SUGT1: variants seen among roughly 807,000 people sequenced by gnomAD.
SUGT1 encodes protein SGT1 homolog.
A neutral mutation model predicts 56.1 loss-of-function variants in SUGT1; 15 were observed. That is an observed-to-expected ratio of 0.27 (90% CI 0.18 to 0.41). The LOEUF (loss-of-function observed/expected upper bound fraction) is 0.41, where lower values mean the gene tolerates loss of function less well. Ranked by LOEUF, SUGT1 falls within the 10% of genes least tolerant of loss-of-function variation. SUGT1 has a pLI of 1.00. For synonymous variants in SUGT1, 123 were observed against 128.6 expected, an observed-to-expected ratio of 0.96 and a Z score of 0.30; for missense variants, 347 against 382.2, an observed-to-expected ratio of 0.91 and a Z score of 0.77.
rs146687522 is a variant in SUGT1, at chr13:52,672,194, A to G, written c.628-4036A>G. Among the ~76,000 whole-genome samples the G allele has an allele frequency of 8.4e-4, 128 of 152,258 alleles. 1 individual carries two copies. In the East Asian group the frequency reaches 0.017, roughly 21 times the overall value. Reference sequence around the variant, plus strand: ...TAGGAAGTAATCACTCAGACTCACCACTCAGATGACATTCTAGCATGTTTC... The same window carrying G: ...TAGGAAGTAATCACTCAGACTCACCGCTCAGATGACATTCTAGCATGTTTC... On this transcript the variant is annotated intron_variant, in intron 10 of 12. Transcript: ENST00000310528.
At chr13:52,658,260 G>A in intron 3 of SUGT1, 139 bp from the exon 4 acceptor site, 3 of 1,522,126 alleles carry the variant, frequency 2.0e-6, no homozygotes, top group Non-Finnish European at 2.6e-6. Context: ...ATTCTATCTT[G>A]TATTAGCTTT....
intron 11 of SUGT1, among the ~76,000 whole-genome samples, chr13:52,677,570 C>G (rs1963199172): frequency 6.6e-6 from 1 of 152,190 alleles, no homozygotes; most frequent in South Asian, 2.1e-4. Context: ...TTAATTCTAA[C>G]AGCCCTGCAT....
rs1187327673 is a variant in SUGT1 at position 52,689,064 on chromosome 13, G to A, written c.*1229G>A. 1.3e-5 allele frequency: 2 copies of A among 152,196 alleles called. No homozygotes were observed. The highest frequency in any genetic ancestry group is 2.9e-5 in the Non-Finnish European group (2 of 68,102). The allele number at this position is 152,196 out of a possible 1,614,324, so 9.4% of individuals were successfully genotyped here. A position where few individuals can be genotyped will look rare whatever the true frequency, so the allele number is the denominator to read the frequency against. On this transcript the variant is annotated 3_prime_UTR_variant, in exon 13 of 13. Coordinates refer to ENST00000310528, the MANE Select transcript of SUGT1 (RefSeq NM_006704.5). ...CAAAGCACTACTCTATACCCTCAGA[G>A]CAGGGGGAGTGGGAGGCAAACGGGT...
intron 6 of SUGT1, 123 bp from the exon 7 acceptor site, chr13:52,662,973 T>C: frequency 4.5e-6 from 5 of 1,102,290 alleles, no homozygotes; most frequent in Non-Finnish European, 1.3e-6. Context: ...CACTTTTCTT[T>C]AGTTGAAAGG....
chr13:52,676,158 A>T, intron 10 of SUGT1, 72 bp from the exon 11 acceptor site: 1 of 1,283,168 alleles, frequency 7.8e-7, no homozygotes, highest in Non-Finnish European at 1.1e-6. Context: ...TTGATGACTT[A>T]AGAAAACTGC....
chr13:52,658,145 A>G, intron 3 of SUGT1: 1 of 1,399,398 alleles, frequency 7.1e-7, no homozygotes, highest in South Asian at 1.3e-5. Context: ...AATGTTAATG[A>G]GACAAGGAGG....
In SUGT1 at chr13:52,653,076, C is replaced by T. The variant is rs755968235; in HGVS notation, c.69C>T (p.Ile23=). 53 of 1,614,014 alleles carry T rather than the reference C, an allele frequency of 3.3e-5. No homozygotes were observed. Among genetic ancestry groups the T allele is most frequent in the Non-Finnish European group, 4.4e-5 (52 of 1,180,034 alleles). The change falls in exon 2 of 13, where the codon ATC becomes ATT. Residue 23 remains isoleucine, a synonymous_variant. Transcript: ENST00000310528. The part of the protein sequence containing the change: ...RFFQSFSDAL[I]DEDPQAALEE... ...TCCAGAGCTTCTCGGATGCCCTAAT[C>T]GACGAGGACCCCCAGGCGGCGTTAG... is the stretch of plus-strand genomic sequence containing the variant.
intron 10 of SUGT1, among the ~76,000 whole-genome samples, chr13:52,667,405 C>T (rs569469611): frequency 4.1e-4 from 63 of 152,046 alleles, no homozygotes; most frequent in Admixed American, 2.4e-3. Context: ...AGTGCAGTGG[C>T]GTGATCTCGG....
At chr13:52,663,235 G>A in intron 7 of SUGT1, 123 bp downstream of exon 7, 1 of 975,470 alleles carries the variant, frequency 1.0e-6, no homozygotes, top group Non-Finnish European at 1.5e-6. Flanking sequence ...CCATTTAAGT[G>A]CTGGTTCCTC....
intron 12 of SUGT1, among the ~76,000 whole-genome samples, 178 bp downstream of exon 12, chr13:52,680,333 T>C (rs1424984513): frequency 3.3e-5 from 5 of 152,192 alleles, no homozygotes; most frequent in African/African-American, 9.7e-5. Context: ...TGAAAACTTA[T>C]GGAAGAGATG....
intron 2 of SUGT1, 67 bp from the exon 3 acceptor site, chr13:52,657,465 T>C: frequency 7.7e-7 from 1 of 1,303,834 alleles, no homozygotes; most frequent in Non-Finnish European, 1.1e-6. Context: ...TTAAAAATTA[T>C]GTTTTAATTA....
intron 10 of SUGT1, among the ~76,000 whole-genome samples, chr13:52,667,409 A>G (rs1962753642): frequency 6.6e-6 from 1 of 152,016 alleles, no homozygotes; most frequent in Non-Finnish European, 1.5e-5. Flanking sequence ...CAGTGGCGTG[A>G]TCTCGGCTCA....
chr13:52,669,784 AAAG>A (rs1327096904), intron 10 of SUGT1, among the ~76,000 whole-genome samples: 2 of 152,318 alleles, frequency 1.3e-5, no homozygotes, highest in African/African-American at 4.8e-5. Flanking sequence ...AAGCAAATTG[AAAG>A]AAGTTTTCTT....
At chr13:52,676,853 C>T (rs1380902918) in intron 11 of SUGT1, among the ~76,000 whole-genome samples, 1 of 152,104 alleles carries the variant, frequency 6.6e-6, no homozygotes, top group Non-Finnish European at 1.5e-5. Flanking sequence ...AGTAGAAAAC[C>T]AGGCTTCATT....
intron 8 of SUGT1, among the ~76,000 whole-genome samples, chr13:52,665,416 T>G (rs951729780): frequency 7.9e-5 from 12 of 152,188 alleles, no homozygotes; most frequent in Non-Finnish European, 1.8e-4. Context: ...AGTATTTAAG[T>G]CTACTGGAAA....
At chr13:52,679,326 A>G (rs1460351441) in intron 11 of SUGT1, among the ~76,000 whole-genome samples, 3 of 152,152 alleles carry the variant, frequency 2.0e-5, no homozygotes, top group East Asian at 1.9e-4. Context: ...TACAAATACT[A>G]TTATTTGCTA....
At position 52,700,123 on chromosome 13, in the gene SUGT1, A is replaced by G. The variant is rs919814788; in HGVS notation, c.*12288A>G. ...GCATATCTCTTAAATGGTTTTGAATAATTTGGTGTTTTAACCAATGACTTA... is the reference window on the plus strand; with the variant it reads ...GCATATCTCTTAAATGGTTTTGAATGATTTGGTGTTTTAACCAATGACTTA... On this transcript the variant is annotated 3_prime_UTR_variant, in exon 13 of 13. Transcript: ENST00000310528. 1 of 152,200 alleles carries G rather than the reference A, an allele frequency of 6.6e-6. No individual in the cohort carries two copies. Among genetic ancestry groups the G allele is most frequent in the Non-Finnish European group, 1.5e-5 (1 of 68,036 alleles). The allele number at this position is 152,200 out of a possible 1,614,324, so 9.4% of individuals were successfully genotyped here.
intron 12 of SUGT1, among the ~76,000 whole-genome samples, chr13:52,683,301 A>AT (rs1312862888): frequency 1.3e-5 from 2 of 151,980 alleles, no homozygotes; most frequent in Non-Finnish European, 1.5e-5. Flanking sequence ...TTTTTCTGAA[A>AT]TTTTTTTATC....
At chr13:52,686,818 C>T (rs913968377) in intron 12 of SUGT1, among the ~76,000 whole-genome samples, 3 of 151,990 alleles carry the variant, frequency 2.0e-5, no homozygotes, top group Non-Finnish European at 4.4e-5. Context: ...TGCCTGTAAT[C>T]CCAGCACTTT....
Sources: allele counts gnomAD v4.1 joint callset (sites outside exome capture counted in the v4.1 genomes callset), GRCh38; gene constraint gnomAD v4.1.1; transcripts MANE v1.5; gene names NCBI Gene and HGNC (gene_info 2026-07-23, HGNC 2026-07-21).